The following PRDM16 variants were observed in gnomAD, a reference collection of about 807,000 sequenced individuals.
PRDM16 encodes the protein PR/SET domain 16.
Under a neutral mutation model 110.6 loss-of-function variants are expected in PRDM16, and 23 were observed. The ratio of observed to expected loss-of-function variants is 0.21; its 90% CI spans 0.15 to 0.29. The LOEUF (loss-of-function observed/expected upper bound fraction) is 0.29. PRDM16 is among the 10% of genes least tolerant of loss of function. The pLI is 1.00. For synonymous variants in PRDM16, 799 were observed against 781.8 expected (o/e 1.02, Z -0.37); for missense variants, 1,615 against 1,794.3 (o/e 0.90, Z 1.81).
At chr1:3,149,844 AGCTTAAG>A (rs1643744013) in intron 1 of PRDM16, among the ~76,000 whole-genome samples, 1 of 152,166 alleles carries the variant, frequency 6.6e-6, no homozygotes, top group African/African-American at 2.4e-5. Context: ...TACTCATCCA[AGCTTAAG>A]GCCAGGGACA....
intron 1 of PRDM16, among the ~76,000 whole-genome samples, chr1:3,170,958 G>A (rs1462683826): frequency 1.3e-5 from 2 of 152,242 alleles, no homozygotes; most frequent in East Asian, 3.8e-4. Context: ...CAGCCCAAAC[G>A]AGGCTGTCCT....
At chr1:3,170,575 G>A (rs377245961) in intron 1 of PRDM16, among the ~76,000 whole-genome samples, 6 of 152,186 alleles carry the variant, frequency 3.9e-5, no homozygotes, top group African/African-American at 7.2e-5. Flanking sequence ...CCCTGGCTGC[G>A]AGGGGCGGGG....
At chr1:3,313,651 C>T (rs916445321) in intron 3 of PRDM16, among the ~76,000 whole-genome samples, 2 of 152,268 alleles carry the variant, frequency 1.3e-5, no homozygotes, top group Admixed American at 6.5e-5. Flanking sequence ...TCCACTCACC[C>T]CGCCTGGGGG....
Position 3,158,825 on chromosome 1 carries a change from G to A in PRDM16, c.38-27300G>A, listed in dbSNP as rs541784119. Among the ~76,000 whole-genome samples the A allele has an allele frequency of 2.4e-3, 353 of 145,580 alleles. 2 individuals are homozygous for A. Among genetic ancestry groups the A allele is most frequent in the African/African-American group, 8.7e-3 (340 of 39,158 alleles). ...GTCTTGTTCTGTTGCCCAGGCTGGAGTACAGTGTCCTGATCTCAGCTCACT... is the reference window on the plus strand; with the variant it reads ...GTCTTGTTCTGTTGCCCAGGCTGGAATACAGTGTCCTGATCTCAGCTCACT... On this transcript the variant is annotated intron_variant, in intron 1 of 16. Coordinates refer to ENST00000270722, the MANE Select transcript of PRDM16 (RefSeq NM_022114.4).
At chr1:3,258,790 G>A (rs1640101743) in intron 3 of PRDM16, among the ~76,000 whole-genome samples, 1 of 152,240 alleles carries the variant, frequency 6.6e-6, no homozygotes. Context: ...GAGGGGAAGG[G>A]GTGAGCGCGC....
At chr1:3,287,853 C>T (rs950914953) in intron 3 of PRDM16, among the ~76,000 whole-genome samples, 11 of 152,008 alleles carry the variant, frequency 7.2e-5, no homozygotes, top group Non-Finnish European at 1.2e-4. Flanking sequence ...CCCCGCCACG[C>T]GGGCATCCAG....
rs373243339 is a variant in PRDM16, at chr1:3,395,911, G to A, written c.574-580G>A. Among the ~76,000 whole-genome samples the A allele has an allele frequency of 8.1e-4, 124 of 152,304 alleles. 1 individual carries two copies. Among genetic ancestry groups the A allele is most frequent in the African/African-American group, 2.5e-3 (103 of 41,566 alleles). ...TGTCCTCCATCCCAGACTCCCGCCT[G>A]TGGGGTCAGCAGCAAGGCGCCAAGC... On this transcript the variant is annotated intron_variant, in intron 4 of 16. Coordinates refer to ENST00000270722, the MANE Select transcript of PRDM16 (RefSeq NM_022114.4).
intron 4 of PRDM16, among the ~76,000 whole-genome samples, chr1:3,387,927 G>A (rs180983601): frequency 1.4e-4 from 21 of 152,380 alleles, no homozygotes; most frequent in African/African-American, 4.8e-4. Flanking sequence ...TTTCAATCTA[G>A]TGTTTAAATG....
At chr1:3,253,773 G>A (rs1639992186) in intron 3 of PRDM16, among the ~76,000 whole-genome samples, 1 of 152,104 alleles carries the variant, frequency 6.6e-6, no homozygotes, top group Admixed American at 6.5e-5. Flanking sequence ...AGATCCCTGA[G>A]GAATTGCCAC....
chr1:3,200,467 C>T (rs575243892), intron 2 of PRDM16, among the ~76,000 whole-genome samples: 36 of 152,338 alleles, frequency 2.4e-4, no homozygotes, highest in Non-Finnish European at 4.4e-4. Context: ...CTCAGCCTCC[C>T]GAGTAGCTGG....
chr1:3,210,061 A>AC (rs1254485224), intron 2 of PRDM16, among the ~76,000 whole-genome samples: 1 of 152,198 alleles, frequency 6.6e-6, no homozygotes. Flanking sequence ...CTTACTATTA[A>AC]CTGTAACCCA....
chr1:3,164,953 G>A (rs563900008), intron 1 of PRDM16, among the ~76,000 whole-genome samples: 16 of 152,332 alleles, frequency 1.1e-4, no homozygotes, highest in African/African-American at 3.8e-4. Context: ...CCTGACCTCC[G>A]CCCTGCACAG....
intron 3 of PRDM16, among the ~76,000 whole-genome samples, chr1:3,340,843 G>T (rs1302291226): frequency 7.9e-5 from 12 of 152,208 alleles, no homozygotes; most frequent in Non-Finnish European, 1.8e-4. Flanking sequence ...GAAGGCAGAA[G>T]GCCCTGTGCA....
At chr1:3,168,834 AG>A (rs1197516019) in intron 1 of PRDM16, among the ~76,000 whole-genome samples, 1 of 152,194 alleles carries the variant, frequency 6.6e-6, no homozygotes, top group Non-Finnish European at 1.5e-5. Flanking sequence ...GGACCCTGCC[AG>A]GTGGCCACTG....
chr1:3,206,187 C>A lies in PRDM16; in HGVS notation c.387+19713C>A, dbSNP rs1014181059. 1 of 148,556 alleles carries A rather than the reference C, an allele frequency of 6.7e-6. No individual in the cohort carries two copies. The highest frequency in any genetic ancestry group is 2.1e-4 in the South Asian group (1 of 4,702). The allele number at this position is 148,556 out of a possible 1,614,324, so 9.2% of individuals were successfully genotyped here. On this transcript the variant is annotated intron_variant, in intron 2 of 16. Coordinates refer to ENST00000270722, the MANE Select transcript of PRDM16 (RefSeq NM_022114.4). The surrounding 1 kb of genome is among the most constrained non-coding windows in gnomAD (Gnocchi z 4.9). ...TGAACCTACTCTGGGAGAACCAACA[C>A]CCCACACTAAGCCAGTGGCCCACAC...
At chr1:3,357,106 C>G (rs1468605341) in intron 3 of PRDM16, among the ~76,000 whole-genome samples, 1 of 152,168 alleles carries the variant, frequency 6.6e-6, no homozygotes, top group Non-Finnish European at 1.5e-5. Flanking sequence ...GCGAAGGACC[C>G]CCAGCCCCAA....
chr1:3,306,819 A>C (rs1490583422), intron 3 of PRDM16: 1 of 151,730 alleles, frequency 6.6e-6, no homozygotes, highest in African/African-American at 2.4e-5. Context: ...ATTAGTACTC[A>C]CTCCGCACTC....
intron 2 of PRDM16, among the ~76,000 whole-genome samples, chr1:3,200,165 G>C (rs1198240774): frequency 2.0e-5 from 3 of 152,224 alleles, no homozygotes; most frequent in Non-Finnish European, 4.4e-5. Flanking sequence ...AGGGCCTGAG[G>C]GGCAGAGACT....
chr1:3,164,917 C>T (rs1261689504), intron 1 of PRDM16, among the ~76,000 whole-genome samples: 2 of 152,206 alleles, frequency 1.3e-5, no homozygotes, highest in African/African-American at 2.4e-5. Context: ...AGATGTGCCC[C>T]GTGCTTGTTC....
Sources: gnomAD v4.1 joint callset for allele counts (sites outside exome capture counted in the v4.1 genomes callset) on GRCh38, gnomAD v4.1.1 for gene constraint, Gnocchi (gnomAD v3.1) non-coding constraint, MANE v1.5 for transcripts, NCBI Gene and HGNC (gene_info 2026-07-23, HGNC 2026-07-21) for gene names.